Variants in EPB41L5 observed in about 807,000 individuals in gnomAD.
EPB41L5 encodes band 4.1-like protein 5.
EPB41L5 carries 55 observed loss-of-function variants against 106.6 expected under a neutral mutation model. The ratio of observed to expected loss-of-function variants is 0.52; its 90% confidence interval spans 0.42 to 0.65. The LOEUF is 0.65. Ranked by LOEUF, EPB41L5 falls within the 30% of genes least tolerant of loss-of-function variation. EPB41L5 has a pLI of 0.00. For synonymous variants in EPB41L5, 297 were observed against 306.7 expected, an observed-to-expected ratio of 0.97 and a Z score of 0.33; for missense variants, 871 against 882.1, an observed-to-expected ratio of 0.99 and a Z score of 0.16.
chr2:120,157,944 A>G (rs1009235638), intron 20 of EPB41L5, among the ~76,000 whole-genome samples: 2 of 152,174 alleles, frequency 1.3e-5, no homozygotes, highest in Non-Finnish European at 2.9e-5. Flanking sequence ...AGAAATACAC[A>G]TAACTATCAG....
intron 4 of EPB41L5, 102 bp from the exon 5 acceptor site, chr2:120,073,998 A>T (rs572205981): frequency 8.4e-6 from 7 of 838,160 alleles, no homozygotes; most frequent in Non-Finnish European, 1.3e-5. Context: ...TAAAAACCTC[A>T]TCTTTTGTCT....
At chr2:120,158,034 C>T (rs1040245129) in intron 20 of EPB41L5, among the ~76,000 whole-genome samples, 1 of 152,092 alleles carries the variant, frequency 6.6e-6, no homozygotes, top group Non-Finnish European at 1.5e-5. Context: ...CACACACTCT[C>T]CCAAGGCAGC....
chr2:120,158,160 C>G (rs1686980254), intron 20 of EPB41L5, among the ~76,000 whole-genome samples: 1 of 152,150 alleles, frequency 6.6e-6, no homozygotes. Flanking sequence ...TTGAATTCTA[C>G]CCAATGTGCA....
In EPB41L5 at chr2:120,070,958, A is replaced by G. The variant is rs1435779495; in HGVS notation, c.286-2220A>G. ...AAGGATGCCGTCTCTCACCACTCCT[A>G]TTCAGCATAGTATTGGAAGTTCTGG... is the stretch of plus-strand genomic sequence containing the variant. On this transcript the variant is annotated intron_variant, in intron 3 of 24. Coordinates refer to ENST00000263713, the MANE Select transcript of EPB41L5 (RefSeq NM_020909.4). Among the ~76,000 whole-genome samples the G allele has an allele frequency of 2.0e-5, 3 of 152,322 alleles. No homozygotes were observed. In the East Asian group the frequency reaches 5.8e-4, roughly 29 times the overall value.
At position 120,168,678 on chromosome 2, in the gene EPB41L5, G is replaced by A. The variant is rs573872323; in HGVS notation, c.2135+671G>A. On this transcript the variant is annotated intron_variant, in intron 24 of 24. Coordinates refer to ENST00000263713, the MANE Select transcript of EPB41L5 (RefSeq NM_020909.4). Reference sequence around the variant, plus strand: ...GTTGAAATACATGCTTTCCTAATTAGAGAAAGGTAGGATGAATTATTAGAG... The same window carrying A: ...GTTGAAATACATGCTTTCCTAATTAAAGAAAGGTAGGATGAATTATTAGAG... Among the ~76,000 whole-genome samples the A allele has an allele frequency of 3.3e-5, 5 of 152,270 alleles. No individual in the cohort carries two copies. The East Asian group carries it at 7.7e-4, about 23-fold the overall frequency.
Position 120,073,183 on chromosome 2 carries a change from G to T in EPB41L5, c.291G>T (p.Trp97Cys). 1 of 1,605,812 alleles carries T rather than the reference G, an allele frequency of 6.2e-7. No homozygotes were observed. Among genetic ancestry groups the T allele is most frequent in the African/African-American group, 1.3e-5 (1 of 74,468 alleles). ...TTTTTGTTTTTGTTTTTCAGCATTG[G>T]TTGGATGGTACAAAAAGCATCAAAA... ...RFMDSAQVAH[W>C]LDGTKSIKKQ... Residue 97 changes from tryptophan (W) to cysteine (C), a missense_variant, in exon 4 of 25, where the codon TGG becomes TGT. Trp to Cys is a radical substitution (Grantham distance 215). Coordinates refer to ENST00000263713, the MANE Select transcript of EPB41L5 (RefSeq NM_020909.4).
At chr2:120,040,924 A>C (rs966233260) in intron 2 of EPB41L5, among the ~76,000 whole-genome samples, 1 of 152,166 alleles carries the variant, frequency 6.6e-6, no homozygotes, top group Non-Finnish European at 1.5e-5. Flanking sequence ...AATACTATAA[A>C]TCACAATTTA....
In EPB41L5 at chr2:120,027,095, A is replaced by G. The variant is rs1403632105; in HGVS notation, c.180+7831A>G. 2.6e-5 allele frequency among the ~76,000 whole-genome samples: 4 copies of G among 152,194 alleles called. No individual in the cohort carries two copies. The East Asian group carries it at 7.7e-4, about 29-fold the overall frequency. The stretch of plus-strand genomic sequence containing the variant: ...GATATGGACAAATCAGAACTCTCAG[A>G]CCCTGCTGGTAGGAATGTAAAATGG... On this transcript the variant is annotated intron_variant, in intron 2 of 24. Coordinates refer to ENST00000263713, the MANE Select transcript of EPB41L5 (RefSeq NM_020909.4).
At chr2:120,098,341 C>T (rs746871231) in intron 14 of EPB41L5, among the ~76,000 whole-genome samples, 2 of 152,002 alleles carry the variant, frequency 1.3e-5, no homozygotes, top group African/African-American at 2.4e-5. Context: ...TCCAAAGTAT[C>T]TGAGACTACT....
At position 120,074,774 on chromosome 2, in the gene EPB41L5, T is replaced by G. The variant is rs375628802; in HGVS notation, c.407+596T>G. Among the ~76,000 whole-genome samples the G allele has an allele frequency of 1.8e-4, 27 of 152,326 alleles. No individual in the cohort carries two copies. In the South Asian group the frequency reaches 4.8e-3, roughly 27 times the overall value. ...TTGAGTTCCTTTAGAAGGGTTTCCT[T>G]TAGAACACCTTGACAATGAGATAGT... On this transcript the variant is annotated intron_variant, in intron 5 of 24. Coordinates refer to ENST00000263713, the MANE Select transcript of EPB41L5 (RefSeq NM_020909.4).
chr2:120,022,810 G>A (rs1678029582), intron 2 of EPB41L5, among the ~76,000 whole-genome samples: 1 of 152,196 alleles, frequency 6.6e-6, no homozygotes, highest in Non-Finnish European at 1.5e-5. Flanking sequence ...CAGTGTAAAA[G>A]CATTCCTATT....
At chr2:120,173,066 AAAC>A (rs992089994) in intron 24 of EPB41L5, among the ~76,000 whole-genome samples, 30 of 152,122 alleles carry the variant, frequency 2.0e-4, no homozygotes, top group Admixed American at 6.5e-4. Context: ...CGTTTCTAAA[AAAC>A]AACAACAACA....
chr2:120,059,664 A>G (rs1162289310), intron 3 of EPB41L5, among the ~76,000 whole-genome samples: 1 of 152,168 alleles, frequency 6.6e-6, no homozygotes, highest in African/African-American at 2.4e-5. Context: ...TCACTTTGGG[A>G]GGCCAAGGCA....
chr2:120,162,220 A>T (rs889130877), intron 21 of EPB41L5, among the ~76,000 whole-genome samples: 4 of 152,258 alleles, frequency 2.6e-5, no homozygotes, highest in Non-Finnish European at 5.9e-5. Flanking sequence ...ATTGCACTGC[A>T]GCATAACCAG....
chr2:120,101,983 A>T (rs1162925499), intron 16 of EPB41L5, among the ~76,000 whole-genome samples: 1 of 152,206 alleles, frequency 6.6e-6, no homozygotes, highest in Non-Finnish European at 1.5e-5. Flanking sequence ...TTTATTTTTG[A>T]AAGTCATTTT....
At chr2:120,089,395 G>A (rs1039124622) in intron 11 of EPB41L5, among the ~76,000 whole-genome samples, 2 of 151,670 alleles carry the variant, frequency 1.3e-5, no homozygotes, top group Admixed American at 6.6e-5. Flanking sequence ...TATATATTTT[G>A]TAACTTTTTC....
intron 10 of EPB41L5, among the ~76,000 whole-genome samples, chr2:120,080,599 T>C (rs1238582663): frequency 6.6e-6 from 1 of 152,184 alleles, no homozygotes; most frequent in African/African-American, 2.4e-5. Context: ...GCAGCATGAT[T>C]TATAATCCTT....
At chr2:120,049,518 A>G (rs1680068232) in intron 3 of EPB41L5, among the ~76,000 whole-genome samples, 1 of 151,894 alleles carries the variant, frequency 6.6e-6, no homozygotes, top group Admixed American at 6.6e-5. Context: ...TTTGCTTGGT[A>G]GATCTTCCTC....
chr2:120,058,206 G>T (rs1680789262), intron 3 of EPB41L5, among the ~76,000 whole-genome samples: 1 of 152,002 alleles, frequency 6.6e-6, no homozygotes, highest in Non-Finnish European at 1.5e-5. Context: ...AAAGAAGCAG[G>T]GTTTTGCTGT....
Sources: allele counts gnomAD v4.1 joint callset (sites outside exome capture counted in the v4.1 genomes callset), GRCh38; gene constraint gnomAD v4.1.1; transcripts MANE v1.5; gene names NCBI Gene and HGNC (gene_info 2026-07-23, HGNC 2026-07-21).